Variants in OR51B5 observed in about 807,000 individuals in gnomAD.
OR51B5 encodes the protein olfactory receptor family 51 subfamily B member 5.
For missense variants in OR51B5, 456 were observed against 374.6 expected (o/e 1.22, Z -1.79); for synonymous variants, 186 against 144.8 (o/e 1.28, Z -2.04).
At chr11:5,349,635 T>A (rs191246243) in intron 1 of OR51B5, among the ~76,000 whole-genome samples, 111 of 152,346 alleles carry the variant, frequency 7.3e-4, no homozygotes, top group Admixed American at 1.2e-3. Context: ...TGAATACCTA[T>A]AATAAAACAA....
chr11:5,447,596 A>C lies in OR51B5; in HGVS notation n.84+57973T>G, dbSNP rs113041106. Among the ~76,000 whole-genome samples, 308 of 152,146 alleles carry C rather than the reference A, an allele frequency of 2.0e-3. 1 individual carries two copies. Among genetic ancestry groups the C allele is most frequent in the African/African-American group, 7.3e-3 (302 of 41,494 alleles). On this transcript the variant is annotated intron_variant and non_coding_transcript_variant, in intron 1 of 4. Transcript: ENST00000415970. ...GTTATCACCGCTCAGTCTCAATCCC[A>C]TATCTTCTATACCATTTTTTGTGAT...
chr11:5,439,819 T>TA (rs1332186776), intron 1 of OR51B5, among the ~76,000 whole-genome samples: 2 of 152,186 alleles, frequency 1.3e-5, no homozygotes, highest in Non-Finnish European at 2.9e-5. Context: ...TCTCAAGGTA[T>TA]AATCACCCAA....
In OR51B5 at chr11:5,488,890, A is replaced by G. The variant is rs775033997; in HGVS notation, n.84+16679T>C. On this transcript the variant is annotated intron_variant and non_coding_transcript_variant, in intron 1 of 4. Transcript: ENST00000415970. ...CATGGACAATGCTCTTCATGCACCT[A>G]TGTACCTCTTCCTCTGCCTTCTCTC... 1.5e-5 allele frequency: 24 copies of G among 1,613,804 alleles called. No homozygotes were observed. In the East Asian group the frequency reaches 4.2e-4, roughly 28 times the overall value.
intron 1 of OR51B5, among the ~76,000 whole-genome samples, chr11:5,486,013 G>C (rs907029435): frequency 6.6e-6 from 1 of 152,058 alleles, no homozygotes; most frequent in Non-Finnish European, 1.5e-5. Flanking sequence ...GGCAGAGAGG[G>C]AAGACCAACT....
At chr11:5,342,435 T>G (rs1848909634), downstream of OR51B5, 5 of 961,216 alleles carry the variant, frequency 5.2e-6, no homozygotes. Context: ...GAGTTGGGCT[T>G]AAAGAGATAC....
In OR51B5 at chr11:5,378,224, T is replaced by C. The variant is rs1401466269; in HGVS notation, n.85-31314A>G. On this transcript the variant is annotated intron_variant and non_coding_transcript_variant, in intron 1 of 4. Coordinates refer to the OR51B5 transcript ENST00000415970. ...AAGAAATGGGGAAAGGATTCCCTAT[T>C]TAATAAATGGTGCTGGGAGAACTGG... Among the ~76,000 whole-genome samples, 4 of 152,000 alleles carry C rather than the reference T, an allele frequency of 2.6e-5. No individual in the cohort carries two copies. In the East Asian group the frequency reaches 7.7e-4, roughly 29 times the overall value.
At chr11:5,382,918 A>G (rs1311982965) in intron 1 of OR51B5, among the ~76,000 whole-genome samples, 1 of 151,756 alleles carries the variant, frequency 6.6e-6, no homozygotes, top group Non-Finnish European at 1.5e-5. Context: ...ACTCTAATCA[A>G]CCATGCCCTA....
intron 1 of OR51B5, among the ~76,000 whole-genome samples, chr11:5,468,195 T>C (rs142326340): frequency 1.3e-5 from 2 of 152,358 alleles, no homozygotes; most frequent in Non-Finnish European, 2.9e-5. Context: ...CTTGAAAGCA[T>C]AGATGTTATT....
At chr11:5,424,787 C>G (rs1850417853) in intron 1 of OR51B5, among the ~76,000 whole-genome samples, 1 of 134,682 alleles carries the variant, frequency 7.4e-6, no homozygotes, top group South Asian at 2.3e-4. Flanking sequence ...GGAGACCATC[C>G]TGGCTAACAC....
intron 1 of OR51B5, chr11:5,422,760 TC>T: frequency 6.2e-7 from 1 of 1,614,184 alleles, no homozygotes. Flanking sequence ...CAGGATATGA[TC>T]CGCCTGGTCT....
chr11:5,485,889 A>G (rs981900328), intron 1 of OR51B5, among the ~76,000 whole-genome samples: 1 of 152,134 alleles, frequency 6.6e-6, no homozygotes, highest in African/African-American at 2.4e-5. Flanking sequence ...ATGTGACTGT[A>G]TTTAATGATA....
exon 1 of OR51B5, chr11:5,342,755 G>A: frequency 6.2e-7 from 1 of 1,613,710 alleles, no homozygotes; most frequent in East Asian, 2.2e-5. Flanking sequence ...ATGAATCAGA[G>A]ACAATCCAAT....
chr11:5,425,408 T>G (rs141303286), intron 1 of OR51B5, among the ~76,000 whole-genome samples: 1 of 152,298 alleles, frequency 6.6e-6, no homozygotes, highest in Non-Finnish European at 1.5e-5. Flanking sequence ...AAGTCAAAAC[T>G]TAACTAGAAA....
At chr11:5,434,222 G>T (rs1434851863) in intron 1 of OR51B5, among the ~76,000 whole-genome samples, 1 of 152,100 alleles carries the variant, frequency 6.6e-6, no homozygotes, top group African/African-American at 2.4e-5. Context: ...GATTCATTTT[G>T]TAACATTCCA....
chr11:5,359,822 G>T (rs955001149), intron 1 of OR51B5, among the ~76,000 whole-genome samples: 1 of 151,772 alleles, frequency 6.6e-6, no homozygotes, highest in Non-Finnish European at 1.5e-5. Flanking sequence ...CAGAACAGAG[G>T]CCTCAGAAAT....
intron 1 of OR51B5, among the ~76,000 whole-genome samples, chr11:5,360,836 T>C (rs1849272899): frequency 1.3e-5 from 2 of 150,704 alleles, no homozygotes; most frequent in Non-Finnish European, 1.5e-5. Flanking sequence ...TTCATGTCCT[T>C]TGTAGGGACA....
At chr11:5,381,759 A>G (rs1849611991) in intron 1 of OR51B5, among the ~76,000 whole-genome samples, 1 of 152,246 alleles carries the variant, frequency 6.6e-6, no homozygotes, top group Non-Finnish European at 1.5e-5. Context: ...AGCAATAAAG[A>G]ATCAAAAATG....
chr11:5,422,694 TCAAGCGA>T, intron 1 of OR51B5: 1 of 1,614,050 alleles, frequency 6.2e-7, no homozygotes. Context: ...CTTTTCTTAC[TCAAGCGA>T]CTGCCTTTCT....
downstream of OR51B5, chr11:5,342,505 T>C: frequency 6.7e-7 from 1 of 1,487,408 alleles, no homozygotes; most frequent in Non-Finnish European, 9.0e-7. Context: ...TGAGCATGCA[T>C]GCTAGATATG....
Sources: gnomAD v4.1 joint callset for allele counts (sites outside exome capture counted in the v4.1 genomes callset) on GRCh38, gnomAD v4.1.1 for gene constraint, MANE v1.5 for transcripts, NCBI Gene and HGNC (gene_info 2026-07-23, HGNC 2026-07-21) for gene names.